AKAP12: variants seen among roughly 807,000 people sequenced by gnomAD.
The protein encoded by AKAP12 is A-kinase anchoring protein 12, also known as A-kinase anchor protein 12.
AKAP12 carries 32 observed loss-of-function variants against 79.9 expected under a neutral mutation model. The ratio of observed to expected loss-of-function variants is 0.40; its 90% confidence interval spans 0.30 to 0.54. The LOEUF is 0.54. AKAP12 is among the 20% of genes least tolerant of loss of function. The pLI, the probability that AKAP12 is intolerant of heterozygous loss-of-function variation, is 0.48. For synonymous variants in AKAP12, 808 were observed against 857.0 expected, an observed-to-expected ratio of 0.94 and a Z score of 1.00; for missense variants, 2,074 against 2,177.0, an observed-to-expected ratio of 0.95 and a Z score of 0.94.
intron 2 of AKAP12, among the ~76,000 whole-genome samples, chr6:151,285,620 A>AG (rs1776489540): frequency 6.6e-6 from 1 of 151,964 alleles, no homozygotes; most frequent in African/African-American, 2.4e-5. Context: ...CATGCAAAAA[A>AG]GGGGGGAGGA....
At chr6:151,337,470 G>A (rs572707923) in intron 3 of AKAP12, among the ~76,000 whole-genome samples, 47 of 140,922 alleles carry the variant, frequency 3.3e-4, no homozygotes, top group African/African-American at 1.3e-3. Flanking sequence ...AGCCGAGATC[G>A]CGCCATTGCA....
rs1778491465 is a variant in AKAP12, at chr6:151,358,198, A to C, written c.*2484A>C. 6.6e-6 allele frequency: 1 copy of C among 152,256 alleles called. No individual in the cohort carries two copies. The highest frequency in any genetic ancestry group is 2.1e-4 in the South Asian group (1 of 4,834). 9.4% of individuals were successfully genotyped at this position (152,256 alleles called of 1,614,324 possible). On this transcript the variant is annotated 3_prime_UTR_variant, in exon 5 of 5. Coordinates refer to ENST00000402676, the MANE Select transcript of AKAP12 (RefSeq NM_005100.4). ...TAATGTAAACTGCAGAAGTCAGAGCAAGTGCCTACATTTTGTTATTTTTGG... is the reference window on the plus strand; with the variant it reads ...TAATGTAAACTGCAGAAGTCAGAGCCAGTGCCTACATTTTGTTATTTTTGG...
rs1778193896 is a variant in AKAP12, at chr6:151,349,012, G to A, written c.621G>A (p.Glu207=). The stretch of plus-strand genomic sequence containing the variant: ...TCACTGTGAAGAAAGATGAAGGGGA[G>A]GGAGCAGCAGGGGCTGGCGACCACA... ...QLLTVKKDEG[E]GAAGAGDHKD... The change falls in exon 4 of 5, where the codon GAG becomes GAA. Residue 207 remains glutamate, a synonymous_variant. Transcript: ENST00000402676. The A allele has an allele frequency of 1.2e-6, 2 of 1,613,728 alleles. No individual in the cohort carries two copies. Among genetic ancestry groups the A allele is most frequent in the Admixed American group, 1.7e-5 (1 of 59,988 alleles).
intron 3 of AKAP12, among the ~76,000 whole-genome samples, chr6:151,307,164 T>G (rs527659369): frequency 1.3e-5 from 2 of 152,312 alleles, no homozygotes; most frequent in South Asian, 4.1e-4. Flanking sequence ...GTGAGGAGAA[T>G]AATAACAGCC....
At chr6:151,324,438 A>C (rs1341202926) in intron 3 of AKAP12, 6 of 985,398 alleles carry the variant, frequency 6.1e-6, no homozygotes, top group Non-Finnish European at 4.8e-6. Flanking sequence ...AAAAAGTGCA[A>C]CTACGTGCCA....
chr6:151,345,930 TGTGAGAGAGAGAGAGAGAGA>T (rs1309331925), intron 3 of AKAP12, among the ~76,000 whole-genome samples: 1 of 108,752 alleles, frequency 9.2e-6, no homozygotes, highest in African/African-American at 3.9e-5. Context: ...TGTGTGTGTG[TGTGAGAGAGAGAGAGAGAGA>T]GAGAGAGAGA....
intron 2 of AKAP12, among the ~76,000 whole-genome samples, chr6:151,302,059 C>T (rs1208512525): frequency 6.6e-6 from 1 of 150,578 alleles, no homozygotes; most frequent in Non-Finnish European, 1.5e-5. Flanking sequence ...CTCTGTTGCC[C>T]AGGCTGGAGT....
chr6:151,266,279 T>C (rs527711653), intron 2 of AKAP12, among the ~76,000 whole-genome samples: 3 of 152,348 alleles, frequency 2.0e-5, no homozygotes, highest in Non-Finnish European at 4.4e-5. Context: ...TTTTTTAAAT[T>C]TTTTGATCTT....
In AKAP12 at chr6:151,349,056, C is replaced by G. The variant is rs200105216; in HGVS notation, c.665C>G (p.Ala222Gly). The G allele has an allele frequency of 6.8e-6, 11 of 1,612,434 alleles. No homozygotes were observed. The highest frequency in any genetic ancestry group is 7.6e-6 in the Non-Finnish European group (9 of 1,179,666). ...AGDHKDPSLGAGEAASKESEP... is the reference protein window; with the variant it reads ...AGDHKDPSLGGGEAASKESEP... ...GACCACAAGGACCCCAGCCTTGGGG[C>G]TGGAGAAGCAGCATCCAAAGAAAGC... is the stretch of plus-strand genomic sequence containing the variant. The change falls in exon 4 of 5, where the codon GCT becomes GGT. Residue 222 changes from alanine to glycine, a missense_variant. Around this residue, in one of 3 missense-constraint regions of AKAP12, gnomAD observed 1,428 missense variants for 1,451.0 expected, o/e 0.98. Coordinates refer to ENST00000402676, the MANE Select transcript of AKAP12 (RefSeq NM_005100.4).
rs191322311 is a variant in AKAP12 at position 151,355,279 on chromosome 6, G to A, written c.*13-448G>A. ...GCTGGGATTACAGGCATGAGCCACCGCACCCAGCCCTATCTTTGTTTTTTG... is the reference window on the plus strand; with the variant it reads ...GCTGGGATTACAGGCATGAGCCACCACACCCAGCCCTATCTTTGTTTTTTG... On this transcript the variant is annotated intron_variant, in intron 4 of 4. Coordinates refer to ENST00000402676, the MANE Select transcript of AKAP12 (RefSeq NM_005100.4). Among the ~76,000 whole-genome samples, 631 of 151,478 alleles carry A rather than the reference G, an allele frequency of 4.2e-3. 6 individuals carry two copies. Among genetic ancestry groups the A allele is most frequent in the African/African-American group, 0.014 (585 of 41,244 alleles).
intron 2 of AKAP12, among the ~76,000 whole-genome samples, chr6:151,278,813 A>G (rs1405518106): frequency 1.3e-4 from 20 of 151,828 alleles, no homozygotes; most frequent in East Asian, 1.9e-4. Flanking sequence ...GAGTACAGGC[A>G]CCTGCCACCA....
At chr6:151,324,151 A>C (rs1777465221) in intron 3 of AKAP12, 1 of 985,254 alleles carries the variant, frequency 1.0e-6, no homozygotes, top group Admixed American at 6.2e-5. Context: ...GCAATTTGTG[A>C]AATAGAGTTG....
In AKAP12 at chr6:151,354,150, C is replaced by CA. The variant is rs935049461; in HGVS notation, c.*12+410dup. Among the ~76,000 whole-genome samples, 1,008 of 116,566 alleles carry CA rather than the reference C, an allele frequency of 8.6e-3. 1 individual carries two copies. The highest frequency in any genetic ancestry group is 0.017 in the African/African-American group (530 of 31,996). The allele number at this position is 116,566 out of a possible 152,430, so 76.5% of individuals were successfully genotyped here. On this transcript the variant is annotated intron_variant, in intron 4 of 4. Coordinates refer to ENST00000402676, the MANE Select transcript of AKAP12 (RefSeq NM_005100.4). ...GGCGTGGTGCCTCACGACTCCGTCTCAAAAAAAAAAAACAAACAAAAAAAA... is the reference window on the plus strand; with the variant it reads ...GGCGTGGTGCCTCACGACTCCGTCTCAAAAAAAAAAAAACAAACAAAAAAAA...
At position 151,257,371 on chromosome 6, in the gene AKAP12, A is replaced by G. The variant is rs149890827; in HGVS notation, c.162+16647A>G. ...GAGTGCAGCGGCGTGATCTCAACTC[A>G]CTGAAACCTCTGCCTCCCAGGTTCA... On this transcript the variant is annotated intron_variant, in intron 2 of 4. Coordinates refer to ENST00000402676, the MANE Select transcript of AKAP12 (RefSeq NM_005100.4). Among the ~76,000 whole-genome samples the G allele has an allele frequency of 3.8e-3, 577 of 152,176 alleles. 4 individuals are homozygous for G. Among genetic ancestry groups the G allele is most frequent in the African/African-American group, 0.013 (554 of 41,520 alleles).
At chr6:151,318,151 G>A (rs879530910) in intron 3 of AKAP12, among the ~76,000 whole-genome samples, 3 of 152,160 alleles carry the variant, frequency 2.0e-5, no homozygotes, top group Non-Finnish European at 2.9e-5. Context: ...AATGGGATTA[G>A]TGTCCTTCCC....
At chr6:151,291,706 T>C (rs1369741962) in intron 2 of AKAP12, among the ~76,000 whole-genome samples, 3 of 152,264 alleles carry the variant, frequency 2.0e-5, no homozygotes, top group Non-Finnish European at 4.4e-5. Flanking sequence ...AAATGGATTC[T>C]CCACAATGGC....
At chr6:151,302,965 G>A (rs986968987) in intron 2 of AKAP12, among the ~76,000 whole-genome samples, 2 of 152,186 alleles carry the variant, frequency 1.3e-5, no homozygotes, top group African/African-American at 4.8e-5. Context: ...GGAGGCTGAG[G>A]CGGGCGGATC....
chr6:151,246,440 A>G (rs527335419), intron 2 of AKAP12, among the ~76,000 whole-genome samples: 2 of 152,248 alleles, frequency 1.3e-5, no homozygotes, highest in East Asian at 1.9e-4. Context: ...AAAAACAAAA[A>G]CAAAAAATTT....
chr6:151,350,386 G>A lies in AKAP12; in HGVS notation c.1995G>A (p.Lys665=). The A allele has an allele frequency of 6.2e-7, 1 of 1,613,892 alleles. No individual in the cohort carries two copies. ...TGAAAGGGAGCGTGGAAGAGCCAAA[G>A]CCGGAAGAACCAAAGCGCAAGGTGG... ...EEMKGSVEEP[K]PEEPKRKVDT... The change falls in exon 4 of 5, where the codon AAG becomes AAA. Residue 665 remains lysine (K), a synonymous_variant. Transcript: ENST00000402676. This position sits in a 1 kb window ranked among gnomAD's most constrained non-coding sequence, Gnocchi z 4.8.
Sources: allele counts gnomAD v4.1 joint callset (sites outside exome capture counted in the v4.1 genomes callset), GRCh38; gene constraint gnomAD v4.1.1; regional missense constraint gnomAD v4.1.1; non-coding constraint Gnocchi (gnomAD v3.1); transcripts MANE v1.5; gene names NCBI Gene and HGNC (gene_info 2026-07-23, HGNC 2026-07-21).